Variants in TRAF3IP1 observed in about 807,000 individuals in gnomAD.
TRAF3IP1 encodes intraflagellar transport 54.
A neutral mutation model predicts 89.9 loss-of-function variants in TRAF3IP1; 53 were observed. The observed-to-expected ratio is 0.59, with a 90% CI of 0.47 to 0.74. The LOEUF (loss-of-function observed/expected upper bound fraction) is 0.74, where lower values mean the gene tolerates loss of function less well. Ranked by LOEUF, TRAF3IP1 falls within the 30% of genes least tolerant of loss-of-function variation. The probability of loss-of-function intolerance (pLI) is 0.00; values close to 1 mark genes in which losing one functional copy is unlikely to be tolerated. For synonymous variants in TRAF3IP1, 311 were observed against 322.1 expected, an observed-to-expected ratio of 0.97 and a Z score of 0.37; for missense variants, 806 against 866.1, an observed-to-expected ratio of 0.93 and a Z score of 0.87.
At chr2:238,333,228 C>A (rs1429096150) in intron 6 of TRAF3IP1, among the ~76,000 whole-genome samples, 1 of 152,042 alleles carries the variant, frequency 6.6e-6, no homozygotes, top group Non-Finnish European at 1.5e-5. Flanking sequence ...AAGAGGCAGG[C>A]GTAAGTCACC....
chr2:238,328,707 C>T lies in TRAF3IP1; in HGVS notation c.376C>T (p.Arg126Trp), dbSNP rs372959878. ...LNKLSSDDAV[R>W]RVLAGEKGEV... ...CAAGCTCTCTAGTGACGATGCGGTG[C>T]GGAGGGTTTTAGCTGGAGAGAAGGG... The change falls in exon 4 of 17, where the codon CGG becomes TGG. Residue 126 changes from arginine (R) to tryptophan (W), a missense_variant. This residue lies in a region of TRAF3IP1 where 732 missense variants were observed against 780.5 expected (regional missense o/e 0.94). Transcript: ENST00000373327. 144 of 1,613,616 alleles carry T rather than the reference C, an allele frequency of 8.9e-5. No individual in the cohort carries two copies. Among genetic ancestry groups the T allele is most frequent in the Non-Finnish European group, 1.1e-4 (126 of 1,179,928 alleles).
intron 15 of TRAF3IP1, among the ~76,000 whole-genome samples, chr2:238,396,946 G>A (rs1193174157): frequency 1.3e-5 from 2 of 152,180 alleles, no homozygotes; most frequent in Non-Finnish European, 2.9e-5. Flanking sequence ...TCCTTTCCAT[G>A]GCACCAGTTT....
chr2:238,353,894 C>T lies in TRAF3IP1; in HGVS notation c.1612+685C>T, dbSNP rs1197918185. On this transcript the variant is annotated intron_variant, in intron 14 of 16. Transcript: ENST00000373327. ...GTTGAAGTGATTCTCGTGCCTCAGC[C>T]TCACAAGTAGCTGGGACTACAGGCG... Among the ~76,000 whole-genome samples the T allele has an allele frequency of 2.0e-5, 3 of 152,328 alleles. No homozygotes were observed. The East Asian group carries it at 5.8e-4, about 29-fold the overall frequency.
chr2:238,348,435 C>T (rs1698999357), intron 10 of TRAF3IP1, among the ~76,000 whole-genome samples: 1 of 152,166 alleles, frequency 6.6e-6, no homozygotes, highest in Admixed American at 6.5e-5. Flanking sequence ...AACATCTTGA[C>T]ATGTGTCCAT....
intron 3 of TRAF3IP1, among the ~76,000 whole-genome samples, chr2:238,326,870 A>C (rs1286716531): frequency 6.6e-6 from 1 of 152,116 alleles, no homozygotes; most frequent in Non-Finnish European, 1.5e-5. Flanking sequence ...CCAGCATGCA[A>C]ACTTAGAGAC....
intron 8 of TRAF3IP1, among the ~76,000 whole-genome samples, chr2:238,342,268 T>C (rs981266508): frequency 2.6e-5 from 4 of 152,182 alleles, no homozygotes; most frequent in Admixed American, 1.3e-4. Context: ...GGATTACAGG[T>C]GTGAGCCACC....
intron 5 of TRAF3IP1, among the ~76,000 whole-genome samples, 157 bp downstream of exon 5, chr2:238,329,499 G>T (rs568294313): frequency 6.6e-6 from 1 of 152,322 alleles, no homozygotes; most frequent in Admixed American, 6.5e-5. Context: ...GAAACCCAAA[G>T]AGATACTTAT....
chr2:238,328,596 T>C (rs1403691869), intron 3 of TRAF3IP1, 90 bp from the exon 4 acceptor site: 1 of 1,419,566 alleles, frequency 7.0e-7, no homozygotes, highest in African/African-American at 1.4e-5. Context: ...ATCTGTCTCA[T>C]GAGCTATCTT....
At chr2:238,340,812 C>CGT (rs71414327) in intron 8 of TRAF3IP1, among the ~76,000 whole-genome samples, 35,095 of 149,136 alleles carry the variant, frequency 0.24, 4,668 homozygotes, top group Middle Eastern at 0.4. Context: ...TACAGTTATG[C>CGT]GTGTGTGTGT....
chr2:238,398,707 A>G, intron 16 of TRAF3IP1, 47 bp from the exon 17 acceptor site: 1 of 1,508,450 alleles, frequency 6.6e-7, no homozygotes, highest in Admixed American at 2.5e-5. Context: ...AAGCCAACAC[A>G]CAATGAGATG....
chr2:238,350,208 G>C (rs1699087241), intron 12 of TRAF3IP1, among the ~76,000 whole-genome samples: 1 of 152,128 alleles, frequency 6.6e-6, no homozygotes, highest in Non-Finnish European at 1.5e-5. Context: ...ACAAAGAGAA[G>C]GGAAGGAATA....
At chr2:238,392,499 C>G (rs1025503543) in intron 15 of TRAF3IP1, among the ~76,000 whole-genome samples, 2 of 152,084 alleles carry the variant, frequency 1.3e-5, no homozygotes, top group Non-Finnish European at 2.9e-5. Context: ...AGCATGTAAC[C>G]TCTTGGGATT....
chr2:238,360,770 C>T (rs1699622776), intron 15 of TRAF3IP1, among the ~76,000 whole-genome samples: 1 of 152,040 alleles, frequency 6.6e-6, no homozygotes, highest in African/African-American at 2.4e-5. Flanking sequence ...AGTCCCAGCA[C>T]TCAGGAGGCT....
intron 14 of TRAF3IP1, among the ~76,000 whole-genome samples, chr2:238,353,461 G>C (rs1699265506): frequency 6.6e-6 from 1 of 152,202 alleles, no homozygotes; most frequent in African/African-American, 2.4e-5. Flanking sequence ...ACTGGCAACT[G>C]TCCTGCAGAT....
At chr2:238,383,328 G>A (rs1421732602) in intron 15 of TRAF3IP1, among the ~76,000 whole-genome samples, 2 of 152,200 alleles carry the variant, frequency 1.3e-5, no homozygotes, top group Admixed American at 6.5e-5. Flanking sequence ...CCCGGGCCCT[G>A]GCACACAGTA....
rs773800142 is a variant in TRAF3IP1 at position 238,360,896 on chromosome 2, A to G, written c.1689+4816A>G. On this transcript the variant is annotated intron_variant, in intron 15 of 16. Transcript: ENST00000373327. The stretch of plus-strand genomic sequence containing the variant: ...TTCCGTCTCAAAAAAATTTTTTTTC[A>G]TAGTTGTAATTTGCATTTCCTTAAT... Among the ~76,000 whole-genome samples, 280 of 152,012 alleles carry G rather than the reference A, an allele frequency of 1.8e-3. 1 individual carries two copies. Among genetic ancestry groups the G allele is most frequent in the Non-Finnish European group, 3.5e-3 (235 of 67,986 alleles).
intron 15 of TRAF3IP1, among the ~76,000 whole-genome samples, chr2:238,395,058 G>C (rs185305765): frequency 6.6e-6 from 1 of 152,264 alleles, no homozygotes; most frequent in Non-Finnish European, 1.5e-5. Flanking sequence ...GGGGTGTCCA[G>C]GGAGGGCTTC....
At chr2:238,356,479 G>A (rs543694161) in intron 15 of TRAF3IP1, among the ~76,000 whole-genome samples, 22 of 152,046 alleles carry the variant, frequency 1.4e-4, no homozygotes, top group Non-Finnish European at 2.8e-4. Context: ...CCTGGGCAAC[G>A]GAGTGAGACC....
Position 238,343,581 on chromosome 2 carries a change from C to T in TRAF3IP1, c.1160-916C>T, listed in dbSNP as rs74733346. Reference sequence around the variant, plus strand: ...AGATATGAGGTTTCGCTATGTTGCCCAGGCTGGTGCCTGCCTTGGCCTCCT... The same window carrying T: ...AGATATGAGGTTTCGCTATGTTGCCTAGGCTGGTGCCTGCCTTGGCCTCCT... On this transcript the variant is annotated intron_variant, in intron 8 of 16. Coordinates refer to ENST00000373327, the MANE Select transcript of TRAF3IP1 (RefSeq NM_015650.4). Among the ~76,000 whole-genome samples, 719 of 151,856 alleles carry T rather than the reference C, an allele frequency of 4.7e-3. 5 individuals are homozygous for T. The highest frequency in any genetic ancestry group is 0.017 in the African/African-American group (695 of 41,368).
Sources: gnomAD v4.1 joint callset for allele counts (sites outside exome capture counted in the v4.1 genomes callset) on GRCh38, gnomAD v4.1.1 for gene constraint, gnomAD v4.1.1 regional missense constraint, MANE v1.5 for transcripts, NCBI Gene and HGNC (gene_info 2026-07-23, HGNC 2026-07-21) for gene names.